The following SLIT3 variants were observed in gnomAD, a reference collection of about 807,000 sequenced individuals.
SLIT3 encodes the protein slit guidance ligand 3, also known as slit homolog 3 protein.
Under a neutral mutation model 184.0 loss-of-function variants are expected in SLIT3, and 68 were observed. The observed-to-expected ratio is 0.37, with a 90% CI of 0.30 to 0.45. The LOEUF (loss-of-function observed/expected upper bound fraction) is 0.45. SLIT3 is among the 20% of genes least tolerant of loss of function. The pLI, the probability that SLIT3 is intolerant of heterozygous loss-of-function variation, is 1.00. For synonymous variants in SLIT3, 831 were observed against 828.6 expected (o/e 1.00, Z -0.05); for missense variants, 1,707 against 2,026.0 (o/e 0.84, Z 3.02).
intron 4 of SLIT3, among the ~76,000 whole-genome samples, chr5:168,907,897 T>TATATAG (rs61612023): frequency 0.46 from 64,123 of 137,970 alleles, 15,578 homozygotes; most frequent in East Asian, 0.7. Context: ...ATATATATCA[T>TATATAG]ATATATATAG....
At chr5:168,706,013 A>G (rs1403963602) in intron 26 of SLIT3, among the ~76,000 whole-genome samples, 1 of 152,214 alleles carries the variant, frequency 6.6e-6, no homozygotes, top group East Asian at 1.9e-4. Flanking sequence ...CTATGTATGG[A>G]ATTGAGAATG....
chr5:169,296,756 C>T (rs971360239), intron 1 of SLIT3, among the ~76,000 whole-genome samples: 3 of 152,224 alleles, frequency 2.0e-5, no homozygotes, highest in South Asian at 2.1e-4. Context: ...CACATTCTCA[C>T]GTTTCAGCCT....
At position 168,703,226 on chromosome 5, in the gene SLIT3, T is replaced by TTGTG. The variant is rs370363011; in HGVS notation, c.2845-2551_2845-2548dup. Among the ~76,000 whole-genome samples, 421 of 126,724 alleles carry TTGTG rather than the reference T, an allele frequency of 3.3e-3. 4 individuals are homozygous for TTGTG. Among genetic ancestry groups the TTGTG allele is most frequent in the South Asian group, 4.4e-3 (15 of 3,374 alleles). 83.1% of individuals were successfully genotyped at this position (126,724 alleles called of 152,430 possible). Reference sequence around the variant, plus strand: ...CACACTTTCTACCCCTCATCCCACTTTGTGTGTGTGTGTGTGTGTGTGTGT... The same window carrying TTGTG: ...CACACTTTCTACCCCTCATCCCACTTTGTGTGTGTGTGTGTGTGTGTGTGTGTGT... On this transcript the variant is annotated intron_variant, in intron 26 of 35. Transcript: ENST00000519560.
In SLIT3 at chr5:168,788,337, A is replaced by C. The variant is rs150460520; in HGVS notation, c.1079+1223T>G. Among the ~76,000 whole-genome samples, 65 of 152,244 alleles carry C rather than the reference A, an allele frequency of 4.3e-4. 2 individuals carry two copies. The highest frequency in any genetic ancestry group is 1.5e-3 in the African/African-American group (64 of 41,568). On this transcript the variant is annotated intron_variant, in intron 11 of 35. Transcript: ENST00000519560. ...TCTGCAAGCAGCAGGCAACAGCTGA[A>C]TCTGAGACTTCCCAGTCCTCATCCC... is the stretch of plus-strand genomic sequence containing the variant.
At chr5:168,925,013 G>A (rs35866854) in intron 4 of SLIT3, among the ~76,000 whole-genome samples, 89 of 152,176 alleles carry the variant, frequency 5.8e-4, no homozygotes, top group Admixed American at 5.0e-3. Flanking sequence ...AATATTTATC[G>A]AGCACCTTCT....
At chr5:169,169,295 T>C (rs1270477446) in intron 4 of SLIT3, among the ~76,000 whole-genome samples, 1 of 152,204 alleles carries the variant, frequency 6.6e-6, no homozygotes, top group African/African-American at 2.4e-5. Context: ...CTGAGCACCA[T>C]TTATCTAATC....
At chr5:168,970,405 T>A (rs1581256254) in intron 4 of SLIT3, among the ~76,000 whole-genome samples, 1 of 141,752 alleles carries the variant, frequency 7.1e-6, no homozygotes, top group Admixed American at 7.1e-5. Context: ...TGGGGCAAGA[T>A]AATTGCTTGA....
intron 4 of SLIT3, among the ~76,000 whole-genome samples, chr5:169,035,698 C>G (rs1050757577): frequency 6.7e-6 from 1 of 148,888 alleles, no homozygotes; most frequent in African/African-American, 2.5e-5. Flanking sequence ...CACAACAAGA[C>G]TACAAAGTGA....
intron 4 of SLIT3, among the ~76,000 whole-genome samples, chr5:169,148,482 C>G (rs1762005169): frequency 1.3e-5 from 2 of 152,204 alleles, no homozygotes; most frequent in Admixed American, 6.5e-5. Flanking sequence ...TTTGGTGCTG[C>G]TAGCAGAGGT....
chr5:169,290,693 C>A (rs1009939111), intron 1 of SLIT3, among the ~76,000 whole-genome samples: 11 of 139,666 alleles, frequency 7.9e-5, no homozygotes, highest in Non-Finnish European at 1.6e-4. Flanking sequence ...TGCTGGGGCA[C>A]GCACTAGGGC....
chr5:169,036,431 T>C (rs1472924924), intron 4 of SLIT3: 1 of 152,198 alleles, frequency 6.6e-6, no homozygotes, highest in Non-Finnish European at 1.5e-5. Flanking sequence ...CAATTATGCA[T>C]CAAATTCTGC....
At chr5:168,741,233 G>C (rs1194766052) in intron 20 of SLIT3, among the ~76,000 whole-genome samples, 2 of 152,180 alleles carry the variant, frequency 1.3e-5, no homozygotes, top group Admixed American at 6.5e-5. Flanking sequence ...CACTTTGGGA[G>C]GCCGAGGCGG....
At chr5:168,867,506 G>A (rs1759349193) in intron 5 of SLIT3, among the ~76,000 whole-genome samples, 1 of 152,218 alleles carries the variant, frequency 6.6e-6, no homozygotes, top group Admixed American at 6.5e-5. Context: ...ATGACCAGTG[G>A]TGTGTGACTT....
chr5:168,775,999 A>G (rs866229944), intron 12 of SLIT3, among the ~76,000 whole-genome samples: 3 of 152,198 alleles, frequency 2.0e-5, no homozygotes, highest in African/African-American at 7.2e-5. Context: ...TCCCCTCTCG[A>G]ATGAAACTGG....
At chr5:168,905,630 C>A (rs1561998491) in intron 4 of SLIT3, among the ~76,000 whole-genome samples, 1 of 152,166 alleles carries the variant, frequency 6.6e-6, no homozygotes, top group East Asian at 1.9e-4. Context: ...TCTGGTTTTA[C>A]ATATATAGAC....
At chr5:168,952,643 G>A (rs1252777154) in intron 4 of SLIT3, among the ~76,000 whole-genome samples, 3 of 150,378 alleles carry the variant, frequency 2.0e-5, no homozygotes, top group Non-Finnish European at 4.4e-5. Flanking sequence ...AGAAAGAAAG[G>A]GCAAGGGTAG....
intron 14 of SLIT3, among the ~76,000 whole-genome samples, chr5:168,767,885 A>G (rs1453467419): frequency 6.6e-6 from 1 of 152,116 alleles, no homozygotes; most frequent in Non-Finnish European, 1.5e-5. Flanking sequence ...GCTTGAACCT[A>G]GTTATTACTC....
intron 2 of SLIT3, among the ~76,000 whole-genome samples, chr5:169,248,845 T>G (rs142419651): frequency 2.0e-5 from 3 of 151,988 alleles, no homozygotes; most frequent in Admixed American, 6.5e-5. Flanking sequence ...GAAAAAAAAA[T>G]GTCCTGGGCA....
At chr5:169,134,061 G>A (rs1374665931) in intron 4 of SLIT3, among the ~76,000 whole-genome samples, 1 of 152,210 alleles carries the variant, frequency 6.6e-6, no homozygotes, top group Non-Finnish European at 1.5e-5. Context: ...AATGTGCAAA[G>A]CTTTGGGCCA....
Sources: allele counts gnomAD v4.1 joint callset (sites outside exome capture counted in the v4.1 genomes callset), GRCh38; gene constraint gnomAD v4.1.1; transcripts MANE v1.5; gene names NCBI Gene and HGNC (gene_info 2026-07-23, HGNC 2026-07-21).